MAP2: variants seen among roughly 807,000 people sequenced by gnomAD.
MAP2 encodes the protein microtubule-associated protein 2.
In MAP2, 14 loss-of-function variants were observed where a neutral mutation model predicts 137.6. That is an observed-to-expected ratio of 0.10 (90% confidence interval 0.07 to 0.16). The LOEUF is 0.16. Among genes scored for constraint, MAP2 ranks in the 10% least tolerant of loss-of-function variants. MAP2 has a pLI of 1.00. For synonymous variants in MAP2, 786 were observed against 782.3 expected (o/e 1.00, Z -0.08); for missense variants, 2,088 against 2,191.5 (o/e 0.95, Z 0.94).
intron 4 of MAP2, among the ~76,000 whole-genome samples, chr2:209,641,589 A>G (rs537094877): frequency 6.6e-6 from 1 of 150,988 alleles, no homozygotes; most frequent in Non-Finnish European, 1.5e-5. Flanking sequence ...CCCAGGATTC[A>G]CCCCTATTTT....
chr2:209,631,478 G>A (rs780067720), intron 4 of MAP2, among the ~76,000 whole-genome samples: 12 of 152,032 alleles, frequency 7.9e-5, no homozygotes, highest in Non-Finnish European at 1.5e-4. Context: ...ACTGTCCTGT[G>A]GACCTGGCTG....
intron 1 of MAP2, among the ~76,000 whole-genome samples, chr2:209,471,976 G>T (rs958618178): frequency 6.6e-6 from 1 of 152,004 alleles, no homozygotes; most frequent in African/African-American, 2.4e-5. Flanking sequence ...AGCCAATTTT[G>T]CTATTCTCCC....
intron 1 of MAP2, among the ~76,000 whole-genome samples, chr2:209,435,443 G>A (rs1574767971): frequency 6.6e-6 from 1 of 151,610 alleles, no homozygotes; most frequent in South Asian, 2.1e-4. Context: ...AATAGCAATA[G>A]CAAAGGCACT....
chr2:209,575,327 C>T (rs1024976248), intron 2 of MAP2, among the ~76,000 whole-genome samples: 3 of 151,864 alleles, frequency 2.0e-5, no homozygotes, highest in Non-Finnish European at 2.9e-5. Context: ...CGAGACCATC[C>T]TGGCTAACAC....
chr2:209,658,072 C>T (rs994063744), intron 5 of MAP2, among the ~76,000 whole-genome samples: 2 of 152,150 alleles, frequency 1.3e-5, no homozygotes, highest in African/African-American at 4.8e-5. Flanking sequence ...AACTGGGAGC[C>T]TCATCCTTAA....
chr2:209,662,198 A>G (rs142895020), intron 5 of MAP2, among the ~76,000 whole-genome samples: 9 of 152,328 alleles, frequency 5.9e-5, no homozygotes, highest in East Asian at 3.9e-4. Flanking sequence ...ATCTAACACA[A>G]TATAATAGGA....
chr2:209,540,660 A>AAAAAAAAAAGAAG (rs1577569192), intron 2 of MAP2, among the ~76,000 whole-genome samples: 1 of 129,204 alleles, frequency 7.7e-6, no homozygotes, highest in African/African-American at 3.6e-5. Flanking sequence ...AAAAAAAAAA[A>AAAAAAAAAAGAAG]AAGAAGAAAA....
intron 2 of MAP2, among the ~76,000 whole-genome samples, chr2:209,520,388 C>T (rs2063108700): frequency 6.6e-6 from 1 of 152,006 alleles, no homozygotes; most frequent in South Asian, 2.1e-4. Context: ...GTAGGAACAG[C>T]ATAAAATGCA....
chr2:209,495,303 G>A (rs1048425443), intron 1 of MAP2, among the ~76,000 whole-genome samples: 10 of 152,364 alleles, frequency 6.6e-5, no homozygotes, highest in African/African-American at 1.2e-4. Context: ...TGAAGAGAGC[G>A]GCAGATCTCC....
intron 5 of MAP2, among the ~76,000 whole-genome samples, chr2:209,676,769 A>ATATATATATATC (rs2051916836): frequency 1.1e-5 from 1 of 94,178 alleles, no homozygotes; most frequent in African/African-American, 4.1e-5. Context: ...ATATATATAT[A>ATATATATATATC]TATCTCCCAA....
At chr2:209,707,926 G>T (rs974990986) in intron 12 of MAP2, among the ~76,000 whole-genome samples, 2 of 151,946 alleles carry the variant, frequency 1.3e-5, no homozygotes, top group Non-Finnish European at 2.9e-5. Context: ...CTTCAATTCA[G>T]TCTCCATGAA....
chr2:209,485,742 T>G (rs1241650037), intron 1 of MAP2, among the ~76,000 whole-genome samples: 1 of 152,202 alleles, frequency 6.6e-6, no homozygotes, highest in Non-Finnish European at 1.5e-5. Flanking sequence ...AATCCCACAC[T>G]AGTCTCCAAA....
chr2:209,483,836 A>G (rs1228305491), intron 1 of MAP2, among the ~76,000 whole-genome samples: 2 of 152,142 alleles, frequency 1.3e-5, no homozygotes, highest in Non-Finnish European at 2.9e-5. Context: ...CCATCCTTTC[A>G]TCATGGGGAA....
chr2:209,550,053 T>C (rs763166248), intron 2 of MAP2, among the ~76,000 whole-genome samples: 3 of 152,202 alleles, frequency 2.0e-5, no homozygotes, highest in African/African-American at 4.8e-5. Flanking sequence ...TTTTTAATAG[T>C]TTAGAGAAAG....
chr2:209,641,159 T>C (rs2153577304), intron 4 of MAP2, among the ~76,000 whole-genome samples: 1 of 152,226 alleles, frequency 6.6e-6, no homozygotes, highest in South Asian at 2.1e-4. Flanking sequence ...TCTGTGGTGG[T>C]GCAAATACTT....
At chr2:209,728,431 G>A (rs1467936321) in intron 14 of MAP2, among the ~76,000 whole-genome samples, 1 of 152,094 alleles carries the variant, frequency 6.6e-6, no homozygotes, top group Non-Finnish European at 1.5e-5. Context: ...TTTCAGGGAA[G>A]GATAACTACA....
At chr2:209,436,408 A>G (rs1696301960) in intron 1 of MAP2, among the ~76,000 whole-genome samples, 1 of 151,656 alleles carries the variant, frequency 6.6e-6, no homozygotes, top group Admixed American at 6.6e-5. Context: ...TGTTGTAGCA[A>G]GAAAGCAGCC....
At chr2:209,645,954 G>A (rs1034355257) in intron 4 of MAP2, among the ~76,000 whole-genome samples, 10 of 152,172 alleles carry the variant, frequency 6.6e-5, no homozygotes, top group Non-Finnish European at 1.3e-4. Context: ...GAGAGGTCAA[G>A]GTGGATGGAA....
intron 1 of MAP2, among the ~76,000 whole-genome samples, chr2:209,455,116 G>A (rs73069097): frequency 0.013 from 1,976 of 152,196 alleles, 42 homozygotes; most frequent in African/African-American, 0.04. Flanking sequence ...AGTTACCTCC[G>A]AAAGGCCCCA....
Sources: gnomAD v4.1 joint callset for allele counts (sites outside exome capture counted in the v4.1 genomes callset) on GRCh38, gnomAD v4.1.1 for gene constraint, MANE v1.5 for transcripts, NCBI Gene and HGNC (gene_info 2026-07-23, HGNC 2026-07-21) for gene names.